Variants in INAVA observed in about 807,000 individuals in gnomAD.
INAVA encodes innate immunity activator protein.
Under a neutral mutation model 55.3 loss-of-function variants are expected in INAVA, and 32 were observed. That is an observed-to-expected ratio of 0.58 (90% CI 0.44 to 0.78). The LOEUF (loss-of-function observed/expected upper bound fraction) is 0.78, where lower values mean the gene tolerates loss of function less well. Among genes scored for constraint, INAVA ranks in the 30% least tolerant of loss-of-function variants. The probability of loss-of-function intolerance (pLI) is 0.00; values close to 1 mark genes in which losing one functional copy is unlikely to be tolerated. For synonymous variants in INAVA, 294 were observed against 329.4 expected, an observed-to-expected ratio of 0.89 and a Z score of 1.16; for missense variants, 756 against 786.4, an observed-to-expected ratio of 0.96 and a Z score of 0.46.
chr1:200,891,715 C>T, upstream of INAVA: 2 of 1,445,118 alleles, frequency 1.4e-6, no homozygotes, highest in African/African-American at 1.5e-5. Context: ...AGCGGGAAAA[C>T]TTCGGGGCAC....
At position 200,908,815 on chromosome 1, in the gene INAVA, G is replaced by A. The variant is rs1653598039; in HGVS notation, c.660G>A (p.Gln220=). 2 of 1,613,804 alleles carry A rather than the reference G, an allele frequency of 1.2e-6. No individual in the cohort carries two copies. The highest frequency in any genetic ancestry group is 1.7e-5 in the Admixed American group (1 of 59,964). The change falls in exon 7 of 10, where the codon CAG becomes CAA. Residue 220 remains glutamine, a synonymous_variant. Transcript: ENST00000413687. The part of the protein sequence containing the change: ...PLPPQTLEGL[Q]PTGPEAGSPE... ...CACCCCAAACCCTTGAGGGTCTGCA[G>A]CCAACAGGACCTGAGGCTGGGAGCC...
intron 5 of INAVA, among the ~76,000 whole-genome samples, chr1:200,903,292 T>C (rs1159562002): frequency 6.6e-6 from 1 of 152,192 alleles, no homozygotes; most frequent in Non-Finnish European, 1.5e-5. Flanking sequence ...AAGACCAGCC[T>C]GGCCAACATA....
intron 5 of INAVA, chr1:200,903,099 A>C (rs1166024477): frequency 6.6e-6 from 1 of 152,240 alleles, no homozygotes; most frequent in African/African-American, 2.4e-5. Flanking sequence ...AGTTCTAGAC[A>C]AGTAATTTCT....
intron 5 of INAVA, 56 bp from the exon 6 acceptor site, chr1:200,907,778 T>C: frequency 2.0e-6 from 3 of 1,488,966 alleles, no homozygotes; most frequent in Non-Finnish European, 2.8e-6. Context: ...TGGTTACTCA[T>C]ATCTGTTTGT....
At chr1:200,896,864 G>A (rs949863504) in intron 1 of INAVA, among the ~76,000 whole-genome samples, 1 of 152,240 alleles carries the variant, frequency 6.6e-6, no homozygotes, top group African/African-American at 2.4e-5. Context: ...CCACCCTGCG[G>A]CCCCGCGCTC....
At chr1:200,894,101 G>T (rs963714065), upstream of INAVA, among the ~76,000 whole-genome samples, 2 of 152,136 alleles carry the variant, frequency 1.3e-5, no homozygotes, top group African/African-American at 4.8e-5. Flanking sequence ...TGGGATGGGA[G>T]ATCTTGAGGC....
Position 200,915,502 on chromosome 1 carries a change from A to G in INAVA, c.*1873A>G, listed in dbSNP as rs1653904039. On this transcript the variant is annotated 3_prime_UTR_variant, in exon 10 of 10. Transcript: ENST00000413687. Reference sequence around the variant, plus strand: ...GTCTCTAAGCCCCTTTCTCCAGGGCATGTTGGTTTCCCTGGCCTCTCAGTG... The same window carrying G: ...GTCTCTAAGCCCCTTTCTCCAGGGCGTGTTGGTTTCCCTGGCCTCTCAGTG... 6.6e-6 allele frequency: 1 copy of G among 151,432 alleles called. No homozygotes were observed. Among genetic ancestry groups the G allele is most frequent in the Non-Finnish European group, 1.5e-5 (1 of 67,928 alleles). 9.4% of individuals were successfully genotyped at this position (151,432 alleles called of 1,614,324 possible). A position where few individuals can be genotyped will look rare whatever the true frequency, so the allele number is the denominator to read the frequency against.
At chr1:200,904,090 ATTTTTT>A (rs774833894) in intron 5 of INAVA, among the ~76,000 whole-genome samples, 1 of 138,648 alleles carries the variant, frequency 7.2e-6, no homozygotes, top group Non-Finnish European at 1.6e-5. Context: ...TCCTCATAAC[ATTTTTT>A]TTTTTTTTTT....
chr1:200,911,393 C>T, intron 8 of INAVA, 60 bp from the exon 9 acceptor site: 1 of 1,493,130 alleles, frequency 6.7e-7, no homozygotes, highest in Non-Finnish European at 9.2e-7. Flanking sequence ...ACCTCCCGCC[C>T]CAACCCCAGT....
At chr1:200,910,474 A>G (rs753441329) in intron 8 of INAVA, among the ~76,000 whole-genome samples, 3 of 152,234 alleles carry the variant, frequency 2.0e-5, no homozygotes, top group African/African-American at 4.8e-5. Context: ...CTGGGGCACC[A>G]TGAAAGCACT....
rs1254611553 is a variant in INAVA, at chr1:200,898,297, C to T, written c.-94-10C>T. The T allele has an allele frequency of 3.7e-6, 6 of 1,604,992 alleles. No individual in the cohort carries two copies. The highest frequency in any genetic ancestry group is 5.1e-6 in the Non-Finnish European group (6 of 1,177,568). On this transcript the variant is annotated splice_polypyrimidine_tract_variant and intron_variant, in intron 1 of 9. Transcript: ENST00000413687. ...AGCTTTTTTGTTATTGTTCTCTTTT[C>T]TCTTTAAAGCTGGGGAAGCTCCAGG...
At chr1:200,909,727 T>C (rs190970549) in intron 8 of INAVA, among the ~76,000 whole-genome samples, 1 of 152,352 alleles carries the variant, frequency 6.6e-6, no homozygotes, top group East Asian at 1.9e-4. Flanking sequence ...CTTTTTCAAT[T>C]GATGCACAGT....
chr1:200,899,896 G>A (rs764883191), intron 3 of INAVA, among the ~76,000 whole-genome samples: 14 of 152,230 alleles, frequency 9.2e-5, no homozygotes, highest in Non-Finnish European at 2.1e-4. Context: ...AGCTCTGGAG[G>A]AAGTGATCAG....
intron 8 of INAVA, among the ~76,000 whole-genome samples, chr1:200,910,218 G>C (rs576302756): frequency 6.6e-6 from 1 of 152,176 alleles, no homozygotes; most frequent in Non-Finnish European, 1.5e-5. Flanking sequence ...ACATGGCCTC[G>C]TTTAACCTCA....
intron 1 of INAVA, among the ~76,000 whole-genome samples, chr1:200,896,936 G>C (rs562206972): frequency 1.1e-3 from 172 of 152,364 alleles, no homozygotes; most frequent in Admixed American, 2.7e-3. Flanking sequence ...TTGCTCAATG[G>C]GCTGACTCAG....
At chr1:200,902,496 C>A in intron 5 of INAVA, among the ~76,000 whole-genome samples, 1 of 152,248 alleles carries the variant, frequency 6.6e-6, no homozygotes, top group East Asian at 1.9e-4. Context: ...ATGGCCAGAC[C>A]TCTGTCCGGT....
intron 5 of INAVA, 42 bp downstream of exon 5, chr1:200,901,201 G>T: frequency 6.9e-7 from 1 of 1,443,718 alleles, no homozygotes; most frequent in East Asian, 2.5e-5. Context: ...CCTTAAATGA[G>T]CTTTTGAGGG....
At chr1:200,898,217 C>A (rs1169748005) in intron 1 of INAVA, 90 bp from the exon 2 acceptor site, 62 of 1,393,180 alleles carry the variant, frequency 4.5e-5, no homozygotes, top group Non-Finnish European at 6.1e-5. Context: ...CTCCCTTCCA[C>A]TCCCCTGCTC....
At position 200,908,534 on chromosome 1, in the gene INAVA, G is replaced by A. The variant is rs1653583840; in HGVS notation, c.575-196G>A. On this transcript the variant is annotated intron_variant, in intron 6 of 9. Transcript: ENST00000413687. ...CTTGAAGGAGGAAGGCATAAAATAG[G>A]GCTGTGTGGGAAGAAGTAAGTCCCA... 5.2e-5 allele frequency: 26 copies of A among 503,812 alleles called. No individual in the cohort carries two copies. The South Asian group carries it at 9.0e-4, about 18-fold the overall frequency. 31.2% of individuals were successfully genotyped at this position (503,812 alleles called of 1,614,324 possible).
Sources: gnomAD v4.1 joint callset for allele counts (sites outside exome capture counted in the v4.1 genomes callset) on GRCh38, gnomAD v4.1.1 for gene constraint, MANE v1.5 for transcripts, NCBI Gene and HGNC (gene_info 2026-07-23, HGNC 2026-07-21) for gene names.